Variants in ADGRL2 observed in about 807,000 individuals in gnomAD.
ADGRL2 encodes the protein adhesion G protein-coupled receptor L2, also known as calcium-independent alpha-latrotoxin receptor 2.
Under a neutral mutation model 157.4 loss-of-function variants are expected in ADGRL2, and 44 were observed. The ratio of observed to expected loss-of-function variants is 0.28; its 90% confidence interval spans 0.22 to 0.36. The LOEUF (loss-of-function observed/expected upper bound fraction) is 0.36, where lower values mean the gene tolerates loss of function less well. Ranked by LOEUF, ADGRL2 falls within the 10% of genes least tolerant of loss-of-function variation. The pLI is 1.00. For synonymous variants in ADGRL2, 585 were observed against 624.7 expected, an observed-to-expected ratio of 0.94 and a Z score of 0.95; for missense variants, 1,510 against 1,768.9, an observed-to-expected ratio of 0.85 and a Z score of 2.63.
chr1:81,933,509 C>T (rs557646884), intron 3 of ADGRL2, among the ~76,000 whole-genome samples: 31 of 152,296 alleles, frequency 2.0e-4, no homozygotes, highest in African/African-American at 7.0e-4. Flanking sequence ...TCTACCTTTT[C>T]GCTTTCATTA....
At chr1:81,740,793 G>A (rs2085048225) in intron 1 of ADGRL2, among the ~76,000 whole-genome samples, 1 of 152,094 alleles carries the variant, frequency 6.6e-6, no homozygotes, top group Admixed American at 6.6e-5. Context: ...AATAGAAATA[G>A]GAAGCTTTTG....
At chr1:81,922,853 A>G (rs1306893370) in intron 3 of ADGRL2, among the ~76,000 whole-genome samples, 1 of 152,148 alleles carries the variant, frequency 6.6e-6, no homozygotes, top group African/African-American at 2.4e-5. Flanking sequence ...CCATCTCTAT[A>G]ATAAATAAAA....
chr1:81,588,055 C>T (rs1010134907), intron 3 of ADGRL2, among the ~76,000 whole-genome samples: 10 of 152,136 alleles, frequency 6.6e-5, no homozygotes, highest in Non-Finnish European at 1.2e-4. Context: ...AGGGAGTGCT[C>T]TTGGGTGGAG....
chr1:81,450,155 C>T (rs1025438211), intron 2 of ADGRL2, among the ~76,000 whole-genome samples: 7 of 152,110 alleles, frequency 4.6e-5, no homozygotes, highest in Admixed American at 1.3e-4. Flanking sequence ...TGAGTCCATA[C>T]CTGGCTCTAA....
intron 1 of ADGRL2, among the ~76,000 whole-genome samples, chr1:81,801,640 C>T (rs1250272413): frequency 6.6e-6 from 1 of 152,202 alleles, no homozygotes; most frequent in Non-Finnish European, 1.5e-5. Flanking sequence ...TCAGCCCCGG[C>T]CGGGAGATCC....
At chr1:81,395,849 C>T (rs754205784) in intron 1 of ADGRL2, among the ~76,000 whole-genome samples, 5 of 152,074 alleles carry the variant, frequency 3.3e-5, no homozygotes, top group Non-Finnish European at 7.4e-5. Context: ...ATCAGTTAGC[C>T]GTAAATATGT....
intron 1 of ADGRL2, among the ~76,000 whole-genome samples, chr1:81,362,036 G>A (rs935968972): frequency 6.6e-6 from 1 of 151,640 alleles, no homozygotes; most frequent in Admixed American, 6.6e-5. Context: ...AGAGTATATT[G>A]TTCAACTTTA....
chr1:81,952,181 G>A (rs770046970), intron 9 of ADGRL2, 39 bp downstream of exon 9: 1 of 1,503,382 alleles, frequency 6.7e-7, no homozygotes, highest in Non-Finnish European at 9.0e-7. Context: ...TTAGACACTT[G>A]GTATGGCAGC....
intron 3 of ADGRL2, among the ~76,000 whole-genome samples, chr1:81,650,556 C>T (rs2082396999): frequency 7.9e-6 from 1 of 126,728 alleles, no homozygotes; most frequent in African/African-American, 3.1e-5. Flanking sequence ...AGCCTGGCAA[C>T]AGAGTGAGAC....
chr1:81,644,115 A>G (rs1296023044), intron 3 of ADGRL2, among the ~76,000 whole-genome samples: 2 of 152,214 alleles, frequency 1.3e-5, no homozygotes, highest in African/African-American at 2.4e-5. Flanking sequence ...AACAAAGGCA[A>G]TATATTGGAA....
intron 2 of ADGRL2, among the ~76,000 whole-genome samples, chr1:81,875,731 A>AG (rs1463062445): frequency 6.6e-6 from 1 of 152,002 alleles, no homozygotes; most frequent in Non-Finnish European, 1.5e-5. Flanking sequence ...TTGTTTTTGG[A>AG]GGGGGCTTAG....
intron 1 of ADGRL2, among the ~76,000 whole-genome samples, chr1:81,802,176 C>T (rs888851745): frequency 2.0e-5 from 3 of 151,910 alleles, no homozygotes; most frequent in Admixed American, 1.3e-4. Context: ...GCGCCTGTCC[C>T]CGCGCGGCCC....
At chr1:81,400,895 C>T (rs1186557304) in intron 1 of ADGRL2, among the ~76,000 whole-genome samples, 1 of 152,114 alleles carries the variant, frequency 6.6e-6, no homozygotes, top group Non-Finnish European at 1.5e-5. Context: ...GGCTCTGTTT[C>T]CCAGGGATGT....
chr1:81,491,437 T>C (rs902514877), intron 2 of ADGRL2, among the ~76,000 whole-genome samples: 1 of 145,586 alleles, frequency 6.9e-6, no homozygotes, highest in African/African-American at 2.8e-5. Context: ...ATATATACTC[T>C]GCTTCAAAAA....
At chr1:81,968,222 A>C in intron 14 of ADGRL2, 23 bp downstream of exon 14, 1 of 1,594,912 alleles carries the variant, frequency 6.3e-7, no homozygotes, top group South Asian at 1.1e-5. Context: ...ACTTCTAATT[A>C]GTAGCAGAGA....
rs2084321757 is a variant in ADGRL2 at position 81,721,573 on chromosome 1, TG to T, written c.-143+21767del. The T allele has an allele frequency of 3.0e-5, 15 of 506,160 alleles. 1 individual carries two copies. In the South Asian group the frequency reaches 3.2e-4, roughly 11 times the overall value. The allele number at this position is 506,160 out of a possible 1,614,324, so 31.4% of individuals were successfully genotyped here. A position where few individuals can be genotyped will look rare whatever the true frequency, so the allele number is the denominator to read the frequency against. On this transcript the variant is annotated intron_variant, in intron 1 of 20. Coordinates refer to the ADGRL2 transcript ENST00000359929. ...GAGTTCAGGACCAGCCTAGGCAACA[TG>T]GCAAACCCCAGTTTCTACCAAAAAA...
intron 2 of ADGRL2, among the ~76,000 whole-genome samples, chr1:81,550,078 A>C (rs578071346): frequency 6.6e-6 from 1 of 152,304 alleles, no homozygotes; most frequent in Non-Finnish European, 1.5e-5. Flanking sequence ...CTCCTGCCAT[A>C]TTGATTATTG....
At chr1:81,769,102 C>T (rs2086253591) in intron 2 of ADGRL2, among the ~76,000 whole-genome samples, 1 of 152,000 alleles carries the variant, frequency 6.6e-6, no homozygotes, top group South Asian at 2.1e-4. Context: ...ATTGAATTAT[C>T]TTCTACTAAC....
At chr1:81,602,461 T>C (rs1316661847) in intron 3 of ADGRL2, among the ~76,000 whole-genome samples, 1 of 151,730 alleles carries the variant, frequency 6.6e-6, no homozygotes, top group Non-Finnish European at 1.5e-5. Flanking sequence ...GGCGTGGTGG[T>C]GGGTGCCTGG....
Sources: gnomAD v4.1 joint callset for allele counts (sites outside exome capture counted in the v4.1 genomes callset) on GRCh38, gnomAD v4.1.1 for gene constraint, MANE v1.5 for transcripts, NCBI Gene and HGNC (gene_info 2026-07-23, HGNC 2026-07-21) for gene names.